IAH1: variants seen among roughly 807,000 people sequenced by gnomAD.
The protein encoded by IAH1 is isoamyl acetate hydrolyzing esterase 1 (putative).
Under a neutral mutation model 26.7 loss-of-function variants are expected in IAH1, and 24 were observed. The observed-to-expected ratio is 0.90, with a 90% CI of 0.65 to 1.26. The LOEUF (loss-of-function observed/expected upper bound fraction) is 1.26. Among genes scored for constraint, IAH1 ranks in the 50% most tolerant of loss-of-function variants. The pLI is 0.00. For synonymous variants in IAH1, 140 were observed against 118.5 expected (o/e 1.18, Z -1.18); for missense variants, 300 against 299.9 (o/e 1.00, Z 0.00).
chr2:9,511,526 A>T, the IAH1 span, among the ~76,000 whole-genome samples: 4 of 152,220 alleles, frequency 2.6e-5, no homozygotes, highest in Non-Finnish European at 5.9e-5. Context: ...TTCATGTCCA[A>T]TAACAATCTT....
chr2:9,501,069 C>A (rs552576519), downstream of IAH1, among the ~76,000 whole-genome samples: 606 of 151,700 alleles, frequency 4.0e-3, 5 homozygotes, highest in African/African-American at 0.013. Context: ...GAGACGTATG[C>A]CCAAATGGAT....
rs1572828647 is a variant in IAH1, at chr2:9,476,048, G to A, written c.134+9G>A. On this transcript the variant is annotated intron_variant, in intron 2 of 5. Coordinates refer to ENST00000497473, the MANE Select transcript of IAH1 (RefSeq NM_001039613.3). ...GCTGACAGGCTGGTCAGGTGAGAAT[G>A]GTTTCCGATACTTGAGTTCTTATGG... The A allele has an allele frequency of 1.2e-6, 2 of 1,610,950 alleles. No homozygotes were observed. The highest frequency in any genetic ancestry group is 4.5e-5 in the East Asian group (2 of 44,866).
At chr2:9,509,569 A>C in the IAH1 span, among the ~76,000 whole-genome samples, 1 of 152,244 alleles carries the variant, frequency 6.6e-6, no homozygotes, top group Non-Finnish European at 1.5e-5. Context: ...CAGGCAAACT[A>C]TGTGTTTAAC....
chr2:9,482,136 A>C (rs1385761710), intron 4 of IAH1, among the ~76,000 whole-genome samples: 1 of 151,348 alleles, frequency 6.6e-6, no homozygotes, highest in Non-Finnish European at 1.5e-5. Context: ...GGCTCAAGCA[A>C]TTCTGCCTCA....
intron 4 of IAH1, among the ~76,000 whole-genome samples, chr2:9,482,406 A>T (rs1572844247): frequency 6.6e-6 from 1 of 152,206 alleles, no homozygotes; most frequent in South Asian, 2.1e-4. Flanking sequence ...GCTATTTCTC[A>T]AAGTGTGGTC....
rs1558488344 is a variant in IAH1, at chr2:9,489,663, A to T, written c.*1334A>T. On this transcript the variant is annotated 3_prime_UTR_variant, in exon 6 of 6. Transcript: ENST00000497473. Reference sequence around the variant, plus strand: ...ATAAAAACTCTGGGTAATAACTAGAAATAGACCCACAATTTAGAGACAATG... The same window carrying T: ...ATAAAAACTCTGGGTAATAACTAGATATAGACCCACAATTTAGAGACAATG... The T allele has an allele frequency of 1.3e-5, 2 of 151,932 alleles. No homozygotes were observed. Among genetic ancestry groups the T allele is most frequent in the Non-Finnish European group, 2.9e-5 (2 of 67,956 alleles). 9.4% of individuals were successfully genotyped at this position (151,932 alleles called of 1,614,324 possible).
the IAH1 span, chr2:9,509,996 C>T: frequency 1.1e-5 from 18 of 1,613,880 alleles, no homozygotes; most frequent in Middle Eastern, 1.6e-4. Flanking sequence ...TTCTCGTGAT[C>T]GCCACTCACA....
intron 3 of IAH1, among the ~76,000 whole-genome samples, chr2:9,479,151 T>A (rs1455646772): frequency 1.3e-5 from 2 of 152,200 alleles, no homozygotes; most frequent in Non-Finnish European, 2.9e-5. Flanking sequence ...CGGTGGAGAC[T>A]GCACACTAAC....
At chr2:9,490,524 A>AAGAC, downstream of IAH1, 1 of 1,608,472 alleles carries the variant, frequency 6.2e-7, no homozygotes, top group Non-Finnish European at 8.5e-7. Flanking sequence ...ACGTTCTGCA[A>AAGAC]AGACATGGGT....
At chr2:9,501,246 G>A (rs1357932954), downstream of IAH1, among the ~76,000 whole-genome samples, 2 of 152,094 alleles carry the variant, frequency 1.3e-5, no homozygotes, top group African/African-American at 2.4e-5. Flanking sequence ...TAGGACAAGG[G>A]CTGTTAAAAA....
chr2:9,493,004 C>T (rs769765221), downstream of IAH1: 2 of 1,594,356 alleles, frequency 1.3e-6, no homozygotes, highest in South Asian at 2.3e-5. Flanking sequence ...CAATTCCAAA[C>T]AGTTAATGTC....
chr2:9,498,103 T>C (rs949636006), downstream of IAH1, among the ~76,000 whole-genome samples: 2 of 152,150 alleles, frequency 1.3e-5, no homozygotes, highest in African/African-American at 2.4e-5. Flanking sequence ...GATCATAGCT[T>C]ACTGCAGCCT....
At chr2:9,484,344 G>A in intron 4 of IAH1, 88 bp from the exon 5 acceptor site, 1 of 1,035,646 alleles carries the variant, frequency 9.7e-7, no homozygotes, top group Non-Finnish European at 1.5e-6. Context: ...ATGGCATTTT[G>A]AAACTGTCTA....
At chr2:9,493,972 TA>T (rs1662362571), downstream of IAH1, 9 of 612,368 alleles carry the variant, frequency 1.5e-5, no homozygotes, top group East Asian at 2.3e-4. Flanking sequence ...AACTTCCGCG[TA>T]ATGAGTACCC....
At chr2:9,494,825 G>T in exon 6 of IAH1, 2 of 1,595,224 alleles carry the variant, frequency 1.3e-6, no homozygotes, top group Non-Finnish European at 1.7e-6. Flanking sequence ...CTCTCCTCCT[G>T]CCTCCTCTTT....
the IAH1 span, chr2:9,505,268 G>A: frequency 4.7e-5 from 76 of 1,613,912 alleles, no homozygotes; most frequent in Non-Finnish European, 6.2e-5. Context: ...ATCCACCCTC[G>A]AGTTCCCACA....
At chr2:9,495,107 G>A (rs1174106994) in intron 6 of IAH1, among the ~76,000 whole-genome samples, 1 of 152,182 alleles carries the variant, frequency 6.6e-6, no homozygotes, top group Non-Finnish European at 1.5e-5. Context: ...TTGTCACCCT[G>A]CTGACTTCAA....
Position 9,474,947 on chromosome 2 carries a change from T to G in IAH1, c.81+300T>G. 4 of 953,790 alleles carry G rather than the reference T, an allele frequency of 4.2e-6. No homozygotes were observed. Among genetic ancestry groups the G allele is most frequent in the Middle Eastern group, 4.6e-4 (1 of 2,172 alleles). 59.1% of individuals were successfully genotyped at this position (953,790 alleles called of 1,614,324 possible). ...CCCACCCGGGTCGAGATGCGCGGTCTTCCCCTCAGCGCCCTCCTGGGCAGC... is the reference window on the plus strand; with the variant it reads ...CCCACCCGGGTCGAGATGCGCGGTCGTCCCCTCAGCGCCCTCCTGGGCAGC... On this transcript the variant is annotated intron_variant, in intron 1 of 5. Transcript: ENST00000497473. This position sits in a 1 kb window ranked among gnomAD's most constrained non-coding sequence, Gnocchi z 4.3.
At chr2:9,497,851 CCTT>C (rs1037570067), downstream of IAH1, among the ~76,000 whole-genome samples, 8 of 151,688 alleles carry the variant, frequency 5.3e-5, no homozygotes, top group Non-Finnish European at 1.2e-4. Context: ...CTATCACACT[CCTT>C]CTCTCCTTCA....
Sources: allele counts gnomAD v4.1 joint callset (sites outside exome capture counted in the v4.1 genomes callset), GRCh38; gene constraint gnomAD v4.1.1; non-coding constraint Gnocchi (gnomAD v3.1); transcripts MANE v1.5; gene names NCBI Gene and HGNC (gene_info 2026-07-23, HGNC 2026-07-21).